The following DPF3 variants were observed in gnomAD, a reference collection of about 807,000 sequenced individuals.
DPF3 encodes double PHD fingers 3.
In DPF3, 18 loss-of-function variants were observed where a neutral mutation model predicts 56.8. That is an observed-to-expected ratio of 0.32 (90% CI 0.22 to 0.47). DPF3 has a LOEUF of 0.47. Among genes scored for constraint, DPF3 ranks in the 20% least tolerant of loss-of-function variants. The pLI is 1.00. For missense variants in DPF3, 403 were observed against 488.8 expected, an observed-to-expected ratio of 0.82 and a Z score of 1.65; for synonymous variants, 188 against 180.2, an observed-to-expected ratio of 1.04 and a Z score of -0.35.
intron 8 of DPF3, among the ~76,000 whole-genome samples, chr14:72,643,739 G>A (rs1363702364): frequency 6.6e-6 from 1 of 152,258 alleles, no homozygotes; most frequent in Non-Finnish European, 1.5e-5. Context: ...TCTGAGAGGA[G>A]CACAAAAGAC....
At chr14:72,837,725 A>G (rs1222673538) in intron 1 of DPF3, among the ~76,000 whole-genome samples, 2 of 152,120 alleles carry the variant, frequency 1.3e-5, no homozygotes, top group Admixed American at 1.3e-4. Flanking sequence ...GAGACAGAGC[A>G]AGACTCCATC....
At chr14:72,639,827 G>T (rs1304886414) in intron 8 of DPF3, among the ~76,000 whole-genome samples, 1 of 152,016 alleles carries the variant, frequency 6.6e-6, no homozygotes, top group Non-Finnish European at 1.5e-5. Flanking sequence ...TTAAGCTGTT[G>T]AGTTTTGGAG....
intron 8 of DPF3, among the ~76,000 whole-genome samples, chr14:72,663,287 A>G (rs1886303109): frequency 6.6e-6 from 1 of 152,156 alleles, no homozygotes; most frequent in Admixed American, 6.5e-5. Context: ...TCCAAGTAGA[A>G]ATGAGTAGTT....
At chr14:72,757,969 A>G (rs1005890577) in intron 2 of DPF3, among the ~76,000 whole-genome samples, 1 of 152,176 alleles carries the variant, frequency 6.6e-6, no homozygotes, top group Non-Finnish European at 1.5e-5. Flanking sequence ...AAAGCTAAAA[A>G]AAATTACCTA....
chr14:72,883,054 TGA>T (rs1331098289), intron 1 of DPF3, among the ~76,000 whole-genome samples: 2 of 152,212 alleles, frequency 1.3e-5, no homozygotes, highest in Non-Finnish European at 1.5e-5. Context: ...CCAAAGAGGA[TGA>T]GAGAGTTCTC....
At chr14:72,702,216 C>T (rs1349668095) in intron 6 of DPF3, among the ~76,000 whole-genome samples, 1 of 149,068 alleles carries the variant, frequency 6.7e-6, no homozygotes, top group African/African-American at 2.4e-5. Context: ...GCGTGGCCTG[C>T]TTCACCCATG....
chr14:72,736,365 A>C (rs1889895187), intron 3 of DPF3, among the ~76,000 whole-genome samples: 1 of 152,222 alleles, frequency 6.6e-6, no homozygotes, highest in Non-Finnish European at 1.5e-5. Context: ...AGCTACCATA[A>C]TGGACAGTGC....
chr14:72,776,495 A>G (rs764490353), intron 1 of DPF3, among the ~76,000 whole-genome samples: 5 of 152,120 alleles, frequency 3.3e-5, no homozygotes, highest in Admixed American at 6.5e-5. Context: ...CCTTGAGCCT[A>G]TCTGTGGAGA....
intron 6 of DPF3, among the ~76,000 whole-genome samples, chr14:72,704,304 A>G (rs1275329807): frequency 6.6e-6 from 1 of 152,220 alleles, no homozygotes; most frequent in Non-Finnish European, 1.5e-5. Flanking sequence ...TAATTTAAAT[A>G]ATAAATGTCA....
At chr14:72,642,320 G>A (rs752179611) in intron 8 of DPF3, among the ~76,000 whole-genome samples, 4 of 152,236 alleles carry the variant, frequency 2.6e-5, no homozygotes, top group Non-Finnish European at 5.9e-5. Flanking sequence ...GGCAAAGGAG[G>A]AACAGTAAGG....
At position 72,855,771 on chromosome 14, in the gene DPF3, G is replaced by C. The variant is rs962992918; in HGVS notation, c.32+38286C>G. ...AACCCACATATAAGTTCCATCCAAA[G>C]CAACGCTTCCAAACCTAGCTCACCA... On this transcript the variant is annotated intron_variant, in intron 1 of 10. Transcript: ENST00000556509. Among the ~76,000 whole-genome samples the C allele has an allele frequency of 8.8e-4, 134 of 152,176 alleles. 1 individual carries two copies. Among genetic ancestry groups the C allele is most frequent in the Non-Finnish European group, 1.8e-3 (121 of 68,028 alleles).
intron 1 of DPF3, among the ~76,000 whole-genome samples, chr14:72,828,999 C>T (rs1383616407): frequency 3.9e-5 from 6 of 152,174 alleles, no homozygotes; most frequent in African/African-American, 1.2e-4. Context: ...GAGGGGCCCT[C>T]GTCCAATATA....
intron 1 of DPF3, among the ~76,000 whole-genome samples, chr14:72,817,373 A>G (rs1883334337): frequency 6.6e-6 from 1 of 152,188 alleles, no homozygotes; most frequent in Non-Finnish European, 1.5e-5. Context: ...ATTGTGGTTA[A>G]TGGCTGGGCA....
chr14:72,728,479 T>C (rs1192607446), intron 4 of DPF3, among the ~76,000 whole-genome samples: 1 of 152,054 alleles, frequency 6.6e-6, no homozygotes, highest in African/African-American at 2.4e-5. Context: ...GCCTGAAAAC[T>C]AGGTTAGGAA....
At position 72,616,602 on chromosome 14, in the gene DPF3, G is replaced by A. The variant is rs568821013; in HGVS notation, c.*2695C>T. On this transcript the variant is annotated 3_prime_UTR_variant, in exon 11 of 11. Transcript: ENST00000556509. Reference sequence around the variant, plus strand: ...TAACATGATGCTTAAGAGTCCCAGTGTCACTCTGGAATAGGCAGGGCAAGT... The same window carrying A: ...TAACATGATGCTTAAGAGTCCCAGTATCACTCTGGAATAGGCAGGGCAAGT... 6.6e-6 allele frequency among the ~76,000 whole-genome samples: 1 copy of A among 152,300 alleles called. No homozygotes were observed.
At chr14:72,629,483 G>A (rs1442106627) in intron 9 of DPF3, 141 bp downstream of exon 9, 1 of 680,816 alleles carries the variant, frequency 1.5e-6, no homozygotes, top group Non-Finnish European at 2.5e-6. Flanking sequence ...AGCCCTCAAG[G>A]GCTAATGGCC....
chr14:72,753,925 G>T (rs1890682593), intron 2 of DPF3, among the ~76,000 whole-genome samples: 1 of 151,662 alleles, frequency 6.6e-6, no homozygotes, highest in South Asian at 2.1e-4. Context: ...GCCCCCATGA[G>T]AACATAAACC....
intron 8 of DPF3, among the ~76,000 whole-genome samples, chr14:72,630,582 A>T (rs1567183040): frequency 6.6e-6 from 1 of 152,140 alleles, no homozygotes. Flanking sequence ...TAAAAGAGAG[A>T]TGCTTGCAGG....
intron 1 of DPF3, among the ~76,000 whole-genome samples, chr14:72,888,624 C>G (rs138736079): frequency 1.1e-3 from 172 of 152,298 alleles, no homozygotes; most frequent in African/African-American, 3.7e-3. Flanking sequence ...CATCCTCCCC[C>G]TACCCAAGGC....
Sources: gnomAD v4.1 joint callset for allele counts (sites outside exome capture counted in the v4.1 genomes callset) on GRCh38, gnomAD v4.1.1 for gene constraint, MANE v1.5 for transcripts, NCBI Gene and HGNC (gene_info 2026-07-23, HGNC 2026-07-21) for gene names.